TRIM13: variants seen among roughly 807,000 people sequenced by gnomAD.
The protein encoded by TRIM13 is tripartite motif containing 13, also known as E3 ubiquitin-protein ligase TRIM13.
A neutral mutation model predicts 27.1 loss-of-function variants in TRIM13; 15 were observed. That is an observed-to-expected ratio of 0.55 (90% CI 0.37 to 0.85). The LOEUF (loss-of-function observed/expected upper bound fraction) is 0.85. TRIM13 is among the 40% of genes least tolerant of loss of function. The pLI is 0.00. For synonymous variants in TRIM13, 193 were observed against 171.5 expected (o/e 1.13, Z -0.98); for missense variants, 402 against 472.2 (o/e 0.85, Z 1.38).
In TRIM13 at chr13:50,012,474, T is replaced by C. The variant is rs576035713; in HGVS notation, c.534T>C (p.Asp178=). Residue 178 remains aspartate, a synonymous_variant, in exon 2 of 2, where the codon GAT becomes GAC. Coordinates refer to ENST00000378182, the MANE Select transcript of TRIM13 (RefSeq NM_213590.3). ...KRKSLQLLTK[D]SDKVKEFFEK... is the part of the protein sequence containing the mutation. ...AATCCCTACAGTTACTGACTAAAGA[T>C]TCAGATAAAGTGAAGGAATTTTTTG... 1 of 1,613,982 alleles carries C rather than the reference T, an allele frequency of 6.2e-7. No individual in the cohort carries two copies. Among genetic ancestry groups the C allele is most frequent in the African/African-American group, 1.3e-5 (1 of 75,042 alleles).
rs983015391 is a variant in TRIM13, at chr13:50,013,352, C to T, written c.*188C>T. Reference sequence around the variant, plus strand: ...TGAAATTTAGTAGTATAGGCCTGAACCTTTTTTTGTTTAAAAGAGTGCTTT... The same window carrying T: ...TGAAATTTAGTAGTATAGGCCTGAATCTTTTTTTGTTTAAAAGAGTGCTTT... On this transcript the variant is annotated 3_prime_UTR_variant, in exon 2 of 2. Coordinates refer to ENST00000378182, the MANE Select transcript of TRIM13 (RefSeq NM_213590.3). The T allele has an allele frequency of 3.9e-6, 2 of 519,014 alleles. No individual in the cohort carries two copies. Among genetic ancestry groups the T allele is most frequent in the African/African-American group, 4.0e-5 (2 of 50,132 alleles). The allele number at this position is 519,014 out of a possible 1,614,324, so 32.2% of individuals were successfully genotyped here.
In TRIM13 at chr13:50,015,459, GC is replaced by G; in HGVS notation, c.*2296del. ...GTTATAGGTTGATTTCCTAAGTGTG[GC>G]TGATGGTAGCCTCTAGTTTGAAGTG... On this transcript the variant is annotated 3_prime_UTR_variant, in exon 2 of 2. Transcript: ENST00000378182. 6.8e-7 allele frequency: 1 copy of G among 1,466,060 alleles called. No individual in the cohort carries two copies. Among genetic ancestry groups the G allele is most frequent in the Non-Finnish European group, 9.4e-7 (1 of 1,062,974 alleles). 90.8% of individuals were successfully genotyped at this position (1,466,060 alleles called of 1,614,324 possible). A position where few individuals can be genotyped will look rare whatever the true frequency, so the allele number is the denominator to read the frequency against.
chr13:50,002,205 A>G (rs542870561), intron 1 of TRIM13, among the ~76,000 whole-genome samples: 2 of 152,214 alleles, frequency 1.3e-5, no homozygotes, highest in South Asian at 2.1e-4. Context: ...CCTGGCCAAC[A>G]TGGCGAAACC....
chr13:50,013,282 A>G lies in TRIM13; in HGVS notation c.*118A>G. Reference sequence around the variant, plus strand: ...TTTTCCTCCAAAAGTATTCCTTCCAAAAATAATCTATACATGTTCAAATTA... The same window carrying G: ...TTTTCCTCCAAAAGTATTCCTTCCAGAAATAATCTATACATGTTCAAATTA... On this transcript the variant is annotated 3_prime_UTR_variant, in exon 2 of 2. Transcript: ENST00000378182. 9.4e-7 allele frequency: 1 copy of G among 1,065,980 alleles called. No homozygotes were observed. 66.0% of individuals were successfully genotyped at this position (1,065,980 alleles called of 1,614,324 possible).
In TRIM13 at chr13:50,016,932, A is replaced by C. The variant is rs751399661; in HGVS notation, c.*3768A>C. On this transcript the variant is annotated 3_prime_UTR_variant, in exon 2 of 2. Transcript: ENST00000378182. ...TTTCTTAACTTGAGCAGTAGCCAAC[A>C]GGAAGGATACCAGTGTCTCTCTCTC... The C allele has an allele frequency of 6.0e-6, 1 of 166,504 alleles. No individual in the cohort carries two copies. Among genetic ancestry groups the C allele is most frequent in the Non-Finnish European group, 1.5e-5 (1 of 68,066 alleles). 10.3% of individuals were successfully genotyped at this position (166,504 alleles called of 1,614,324 possible). A position where few individuals can be genotyped will look rare whatever the true frequency, so the allele number is the denominator to read the frequency against.
Position 50,015,957 on chromosome 13 carries a change from A to T in TRIM13, c.*2793A>T. 6.2e-7 allele frequency: 1 copy of T among 1,614,092 alleles called. No homozygotes were observed. Among genetic ancestry groups the T allele is most frequent in the Non-Finnish European group, 8.5e-7 (1 of 1,179,974 alleles). ...CCTTCAGCGCCGACCTGGAATGGTA[A>T]CTTTTTCCCTCCTCAGATGACCTTA... On this transcript the variant is annotated 3_prime_UTR_variant, in exon 2 of 2. Transcript: ENST00000378182.
At chr13:50,008,326 T>C (rs915029750) in intron 1 of TRIM13, among the ~76,000 whole-genome samples, 7 of 152,306 alleles carry the variant, frequency 4.6e-5, no homozygotes, top group Admixed American at 6.5e-5. Context: ...TGTAGAAATA[T>C]GTAGTACTCT....
At chr13:50,009,938 AAAAAG>A (rs1013727181) in intron 1 of TRIM13, among the ~76,000 whole-genome samples, 20 of 152,184 alleles carry the variant, frequency 1.3e-4, no homozygotes, top group South Asian at 4.1e-4. Flanking sequence ...CTCTTAAGAA[AAAAAG>A]AAAAGAAAAG....
intron 1 of TRIM13, among the ~76,000 whole-genome samples, chr13:50,003,966 T>TA (rs1258331735): frequency 6.6e-6 from 1 of 152,240 alleles, no homozygotes; most frequent in Admixed American, 6.5e-5. Flanking sequence ...ATTGTTGGTA[T>TA]AAAACATTTG....
intron 1 of TRIM13, among the ~76,000 whole-genome samples, chr13:50,005,684 A>G (rs148064686): frequency 2.4e-4 from 37 of 152,000 alleles, no homozygotes; most frequent in African/African-American, 7.7e-4. Context: ...CTAAAAAAAA[A>G]AGAGAGAAGG....
In TRIM13 at chr13:50,001,964, G is replaced by A. The variant is rs1377255087; in HGVS notation, c.-7+4201G>A. Among the ~76,000 whole-genome samples the A allele has an allele frequency of 2.6e-5, 4 of 152,256 alleles. No homozygotes were observed. In the East Asian group the frequency reaches 7.7e-4, roughly 29 times the overall value. On this transcript the variant is annotated intron_variant, in intron 1 of 1. Transcript: ENST00000378182. The stretch of plus-strand genomic sequence containing the variant: ...TACCTTTTAAAATAGCTATACAAAT[G>A]AGGAGAGAAACTAGTATGTATAAGT...
chr13:49,997,389 C>T lies in TRIM13; in HGVS notation c.-381C>T, dbSNP rs991908224. On this transcript the variant is annotated 5_prime_UTR_variant, in exon 1 of 2. Coordinates refer to ENST00000378182, the MANE Select transcript of TRIM13 (RefSeq NM_213590.3). The stretch of plus-strand genomic sequence containing the variant: ...GAAAACCTGCTCCGTCCGGAGCCTT[C>T]CTGGCCCCGCTACCAGCGTCTCCAC... 16 of 152,356 alleles carry T rather than the reference C, an allele frequency of 1.1e-4. No homozygotes were observed. Among genetic ancestry groups the T allele is most frequent in the Admixed American group, 6.5e-4 (10 of 15,284 alleles). 9.4% of individuals were successfully genotyped at this position (152,356 alleles called of 1,614,324 possible).
Position 50,016,372 on chromosome 13 carries a change from G to A in TRIM13, c.*3208G>A. ...ATAATTTTGTAGATTATGTTCCATT[G>A]CTAATGAATTTGACTTAGAAAAGAA... On this transcript the variant is annotated 3_prime_UTR_variant, in exon 2 of 2. Transcript: ENST00000378182. 3.4e-6 allele frequency: 1 copy of A among 291,642 alleles called. No homozygotes were observed. Among genetic ancestry groups the A allele is most frequent in the Non-Finnish European group, 6.8e-6 (1 of 147,094 alleles). The allele number at this position is 291,642 out of a possible 1,614,324, so 18.1% of individuals were successfully genotyped here. A position where few individuals can be genotyped will look rare whatever the true frequency, so the allele number is the denominator to read the frequency against.
chr13:50,007,634 A>G (rs1255701830), intron 1 of TRIM13, among the ~76,000 whole-genome samples: 1 of 147,324 alleles, frequency 6.8e-6, no homozygotes, highest in Non-Finnish European at 1.5e-5. Flanking sequence ...TACAAAAATT[A>G]GCTGGGCGTG....
chr13:50,011,338 AAAC>A (rs1041208303), intron 1 of TRIM13, among the ~76,000 whole-genome samples: 21 of 152,348 alleles, frequency 1.4e-4, no homozygotes, highest in African/African-American at 4.8e-4. Context: ...GGTGGTTTAA[AAAC>A]AACAAAAAAC....
intron 1 of TRIM13, among the ~76,000 whole-genome samples, chr13:49,998,789 C>T (rs555108481): frequency 1.3e-5 from 2 of 151,552 alleles, no homozygotes; most frequent in Admixed American, 1.3e-4. Flanking sequence ...ATTAGCTGGG[C>T]GTGGGGGTGC....
rs1051580333 is a variant in TRIM13, at chr13:50,017,774, A to T, written c.*4610A>T. On this transcript the variant is annotated 3_prime_UTR_variant, in exon 2 of 2. Coordinates refer to ENST00000378182, the MANE Select transcript of TRIM13 (RefSeq NM_213590.3). ...ACTTTTAGTATATAATTGCCTAATT[A>T]GCAATCATTTTTATTTTTTGCTCAC... 1 of 167,048 alleles carries T rather than the reference A, an allele frequency of 6.0e-6. No homozygotes were observed. Among genetic ancestry groups the T allele is most frequent in the Non-Finnish European group, 1.5e-5 (1 of 68,104 alleles). 10.3% of individuals were successfully genotyped at this position (167,048 alleles called of 1,614,324 possible).
In TRIM13 at chr13:50,015,920, T is replaced by C. The variant is rs980901366; in HGVS notation, c.*2756T>C. ...GATGCTAACAGGGAGGATTACAGTG[T>C]TTACAGAACAACCTTCAGCGCCGAC... On this transcript the variant is annotated 3_prime_UTR_variant, in exon 2 of 2. Transcript: ENST00000378182. 6.2e-7 allele frequency: 1 copy of C among 1,613,936 alleles called. No individual in the cohort carries two copies. The highest frequency in any genetic ancestry group is 1.7e-5 in the Admixed American group (1 of 59,992).
In TRIM13 at chr13:50,015,815, G is replaced by A; in HGVS notation, c.*2651G>A. 6.2e-7 allele frequency: 1 copy of A among 1,614,084 alleles called. No homozygotes were observed. The highest frequency in any genetic ancestry group is 8.5e-7 in the Non-Finnish European group (1 of 1,179,986). On this transcript the variant is annotated 3_prime_UTR_variant, in exon 2 of 2. Coordinates refer to ENST00000378182, the MANE Select transcript of TRIM13 (RefSeq NM_213590.3). Reference sequence around the variant, plus strand: ...CCCATACCTGCTACAGCCAAGACCTGCTCTTGTGGAGGTACATTTCCTAAG... The same window carrying A: ...CCCATACCTGCTACAGCCAAGACCTACTCTTGTGGAGGTACATTTCCTAAG...
Sources: allele counts gnomAD v4.1 joint callset (sites outside exome capture counted in the v4.1 genomes callset), GRCh38; gene constraint gnomAD v4.1.1; transcripts MANE v1.5; gene names NCBI Gene and HGNC (gene_info 2026-07-23, HGNC 2026-07-21).